The following MPPED2 variants were observed in gnomAD, a reference collection of about 807,000 sequenced individuals.
MPPED2 encodes the protein metallophosphoesterase domain containing 2.
A neutral mutation model predicts 33.0 loss-of-function variants in MPPED2; 5 were observed. That is an observed-to-expected ratio of 0.15 (90% confidence interval 0.08 to 0.32). MPPED2 has a LOEUF of 0.32. Ranked by LOEUF, MPPED2 falls within the 10% of genes least tolerant of loss-of-function variation. The pLI is 1.00. For synonymous variants in MPPED2, 136 were observed against 141.9 expected, an observed-to-expected ratio of 0.96 and a Z score of 0.29; for missense variants, 275 against 372.1, an observed-to-expected ratio of 0.74 and a Z score of 2.15.
At chr11:30,433,704 T>C (rs1949186634) in intron 4 of MPPED2, among the ~76,000 whole-genome samples, 1 of 152,154 alleles carries the variant, frequency 6.6e-6, no homozygotes, top group African/African-American at 2.4e-5. Context: ...AGTGGGAAAT[T>C]TTCAAAGGGA....
chr11:30,585,518 G>A (rs1016722718), intron 1 of MPPED2, among the ~76,000 whole-genome samples: 1 of 152,086 alleles, frequency 6.6e-6, no homozygotes, highest in Non-Finnish European at 1.5e-5. Flanking sequence ...CCCAGGCCTA[G>A]GCCGGGGCGG....
chr11:30,423,737 G>T (rs577054679), intron 4 of MPPED2, among the ~76,000 whole-genome samples: 1 of 152,328 alleles, frequency 6.6e-6, no homozygotes, highest in African/African-American at 2.4e-5. Flanking sequence ...TTTTGGCACA[G>T]AGGGTTAATG....
intron 4 of MPPED2, among the ~76,000 whole-genome samples, chr11:30,431,980 G>C (rs1212432303): frequency 1.3e-5 from 2 of 152,044 alleles, no homozygotes; most frequent in Non-Finnish European, 2.9e-5. Context: ...TTTAAGACCA[G>C]TCCGGCCAGT....
At chr11:30,388,401 G>C (rs1487639628) in exon 7 of MPPED2, 1 of 152,868 alleles carries the variant, frequency 6.5e-6, no homozygotes, top group Non-Finnish European at 1.5e-5. Flanking sequence ...TCCCACAGAG[G>C]GCTCCAAACA....
rs1273819914 is a variant in MPPED2 at position 30,535,933 on chromosome 11, A to C, written c.310+61T>G. ...AAGTGCTCTAATTCAATTAGGACGC[A>C]GTGAGTGACACTCGGACGGGAAAGG... is the stretch of plus-strand genomic sequence containing the variant. On this transcript the variant is annotated intron_variant, in intron 3 of 6. Coordinates refer to ENST00000358117, the MANE Select transcript of MPPED2 (RefSeq NM_001584.3). 9 of 1,430,930 alleles carry C rather than the reference A, an allele frequency of 6.3e-6. No homozygotes were observed. The Admixed American group carries it at 6.9e-5, about 11-fold the overall frequency. The allele number at this position is 1,430,930 out of a possible 1,614,324, so 88.6% of individuals were successfully genotyped here.
chr11:30,453,682 G>T (rs1003683613), intron 4 of MPPED2, among the ~76,000 whole-genome samples: 1 of 152,186 alleles, frequency 6.6e-6, no homozygotes, highest in Admixed American at 6.5e-5. Context: ...AGTTTGTTCT[G>T]TGATTTCAAA....
chr11:30,552,131 T>C (rs1379925530), intron 2 of MPPED2, among the ~76,000 whole-genome samples: 1 of 152,196 alleles, frequency 6.6e-6, no homozygotes, highest in Non-Finnish European at 1.5e-5. Flanking sequence ...CTTAAAATTA[T>C]TATTCATCCG....
chr11:30,565,176 G>A (rs575898877), intron 2 of MPPED2, among the ~76,000 whole-genome samples: 2 of 152,084 alleles, frequency 1.3e-5, no homozygotes, highest in Non-Finnish European at 2.9e-5. Flanking sequence ...CAGCAGGCGC[G>A]CACCAGATAA....
chr11:30,567,558 G>C (rs978642492), intron 2 of MPPED2, among the ~76,000 whole-genome samples: 12 of 151,946 alleles, frequency 7.9e-5, no homozygotes, highest in Non-Finnish European at 1.5e-4. Flanking sequence ...CAGTTACTAA[G>C]TGACTAATTT....
At chr11:30,402,487 A>G (rs1472267949) in intron 6 of MPPED2, among the ~76,000 whole-genome samples, 4 of 152,152 alleles carry the variant, frequency 2.6e-5, no homozygotes, top group African/African-American at 7.2e-5. Context: ...AAGCTAGCAG[A>G]CCTCACATTA....
At chr11:30,568,680 T>A (rs1956558287) in intron 2 of MPPED2, among the ~76,000 whole-genome samples, 1 of 152,194 alleles carries the variant, frequency 6.6e-6, no homozygotes, top group Admixed American at 6.5e-5. Context: ...GGCCCTAGCA[T>A]ACAAAAAACG....
At chr11:30,443,987 A>G (rs1949694368) in intron 4 of MPPED2, among the ~76,000 whole-genome samples, 1 of 152,242 alleles carries the variant, frequency 6.6e-6, no homozygotes, top group Admixed American at 6.5e-5. Flanking sequence ...ACTAGTTTCA[A>G]AGCAAAATAA....
chr11:30,506,788 T>G (rs1952845841), intron 3 of MPPED2, among the ~76,000 whole-genome samples: 1 of 152,222 alleles, frequency 6.6e-6, no homozygotes, highest in African/African-American at 2.4e-5. Flanking sequence ...TAAAAATCTT[T>G]TTGTAATAAC....
At chr11:30,390,993 G>C (rs1430246677) in intron 6 of MPPED2, among the ~76,000 whole-genome samples, 1 of 152,194 alleles carries the variant, frequency 6.6e-6, no homozygotes, top group Non-Finnish European at 1.5e-5. Flanking sequence ...TGGAGAAATA[G>C]ACTCTAGTCC....
rs1957116848 is a variant in MPPED2 at position 30,580,512 on chromosome 11, T to A, written c.-121-18A>T. On this transcript the variant is annotated intron_variant, in intron 1 of 6. Transcript: ENST00000358117. ...GTGCATTTCTGAAAGAAAAAAAAAATGTATATAAAATGAGAACAAAGAGAA... is the reference window on the plus strand; with the variant it reads ...GTGCATTTCTGAAAGAAAAAAAAAAAGTATATAAAATGAGAACAAAGAGAA... 3.5e-6 allele frequency: 5 copies of A among 1,414,138 alleles called. No homozygotes were observed. The highest frequency in any genetic ancestry group is 4.6e-6 in the Non-Finnish European group (5 of 1,079,600). 87.6% of individuals were successfully genotyped at this position (1,414,138 alleles called of 1,614,324 possible). A position where few individuals can be genotyped will look rare whatever the true frequency, so the allele number is the denominator to read the frequency against.
At chr11:30,506,408 A>G (rs1404540501) in intron 3 of MPPED2, among the ~76,000 whole-genome samples, 2 of 152,174 alleles carry the variant, frequency 1.3e-5, no homozygotes, top group African/African-American at 4.8e-5. Flanking sequence ...TAAGGAGCCC[A>G]TCTCCTATGT....
At chr11:30,461,248 G>A (rs523257) in intron 4 of MPPED2, among the ~76,000 whole-genome samples, 16,879 of 152,162 alleles carry the variant, frequency 0.11, 1,231 homozygotes, top group South Asian at 0.24. Flanking sequence ...AATGGATACC[G>A]AGTTTCAGTT....
intron 2 of MPPED2, among the ~76,000 whole-genome samples, chr11:30,560,312 T>A (rs1222310): frequency 0.7 from 104,877 of 149,380 alleles, 37,107 homozygotes; most frequent in East Asian, 0.84. Context: ...GTTTTTTTTT[T>A]AAAAAAAAAA....
intron 2 of MPPED2, among the ~76,000 whole-genome samples, chr11:30,540,457 T>C (rs1418656607): frequency 6.6e-6 from 1 of 152,086 alleles, no homozygotes; most frequent in Non-Finnish European, 1.5e-5. Flanking sequence ...GAATAAAAAA[T>C]GATAATGTAC....
Sources: gnomAD v4.1 joint callset for allele counts (sites outside exome capture counted in the v4.1 genomes callset) on GRCh38, gnomAD v4.1.1 for gene constraint, MANE v1.5 for transcripts, NCBI Gene and HGNC (gene_info 2026-07-23, HGNC 2026-07-21) for gene names.